The following RPS6KA4 variants were observed in gnomAD, a reference collection of about 807,000 sequenced individuals.
RPS6KA4 encodes ribosomal protein S6 kinase A4.
Under a neutral mutation model 89.6 loss-of-function variants are expected in RPS6KA4, and 38 were observed. The observed-to-expected ratio is 0.42, with a 90% CI of 0.33 to 0.56. The LOEUF (loss-of-function observed/expected upper bound fraction) is 0.56, where lower values mean the gene tolerates loss of function less well. RPS6KA4 is among the 20% of genes least tolerant of loss of function. The probability of loss-of-function intolerance (pLI) is 0.07; values close to 1 mark genes in which losing one functional copy is unlikely to be tolerated. For synonymous variants in RPS6KA4, 495 were observed against 492.8 expected, an observed-to-expected ratio of 1.00 and a Z score of -0.06; for missense variants, 873 against 1,098.8, an observed-to-expected ratio of 0.79 and a Z score of 2.90.
intron 14 of RPS6KA4, 105 bp downstream of exon 14, chr11:64,369,998 G>A: frequency 7.8e-7 from 1 of 1,284,870 alleles, no homozygotes; most frequent in South Asian, 1.6e-5. Context: ...TGGTGGGGGC[G>A]GCTGGGTTTC....
In RPS6KA4 at chr11:64,368,147, G is replaced by A; in HGVS notation, c.1087G>A (p.Ala363Thr). 1 of 1,613,572 alleles carries A rather than the reference G, an allele frequency of 6.2e-7. No homozygotes were observed. ...PRIFQGYSFVAPSILFDHNNA... is the reference protein window; with the variant it reads ...PRIFQGYSFVTPSILFDHNNA... Reference sequence around the variant, plus strand: ...CGCCCTGCAGGGATACTCCTTTGTGGCACCCTCCATTCTCTTTGACCACAA... The same window carrying A: ...CGCCCTGCAGGGATACTCCTTTGTGACACCCTCCATTCTCTTTGACCACAA... The change falls in exon 10 of 17, where the codon GCA becomes ACA. Residue 363 changes from alanine (A) to threonine (T), a missense_variant. This residue lies in a region of RPS6KA4 where 542 missense variants were observed against 736.4 expected (regional missense o/e 0.74). Coordinates refer to ENST00000334205, the MANE Select transcript of RPS6KA4 (RefSeq NM_003942.3).
In RPS6KA4 at chr11:64,371,426, C is replaced by T. The variant is rs772564706; in HGVS notation, c.2265C>T (p.Pro755=). ...CACCAGCCAACCCGGGCCGAGCCCC[C>T]GTCGCCTCCAAAGGGGCCCCCCGCC... The part of the protein sequence containing the change: ...SPAPANPGRA[P]VASKGAPRRA... The change falls in exon 17 of 17, where the codon CCC becomes CCT. Residue 755 remains proline, a synonymous_variant. Coordinates refer to ENST00000334205, the MANE Select transcript of RPS6KA4 (RefSeq NM_003942.3). 5 of 1,603,468 alleles carry T rather than the reference C, an allele frequency of 3.1e-6. No individual in the cohort carries two copies. The highest frequency in any genetic ancestry group is 2.7e-5 in the African/African-American group (2 of 74,740).
Position 64,361,840 on chromosome 11 carries a change from C to G in RPS6KA4, c.756-12C>G, listed in dbSNP as rs892230990. 2 of 1,596,110 alleles carry G rather than the reference C, an allele frequency of 1.3e-6. No individual in the cohort carries two copies. Among genetic ancestry groups the G allele is most frequent in the African/African-American group, 1.4e-5 (1 of 73,776 alleles). On this transcript the variant is annotated splice_polypyrimidine_tract_variant and intron_variant, in intron 7 of 16. Transcript: ENST00000334205. This position sits in a 1 kb window ranked among gnomAD's most constrained non-coding sequence, Gnocchi z 4.7. ...GGGCTTGCTGCCCCTGACACCCCCC[C>G]AATCCTCCCAGACGGATCCTGAAGT... is the stretch of plus-strand genomic sequence containing the variant.
chr11:64,368,017 C>A, intron 9 of RPS6KA4, 115 bp from the exon 10 acceptor site: 1 of 1,069,828 alleles, frequency 9.3e-7, no homozygotes, highest in Non-Finnish European at 1.4e-6. Flanking sequence ...ACTGGAACAC[C>A]CCCCACTGCC....
rs2037027043 is a variant in RPS6KA4 at position 64,370,351 on chromosome 11, G to A, written c.1924G>A (p.Gly642Ser). 6.2e-7 allele frequency: 1 copy of A among 1,608,074 alleles called. No homozygotes were observed. The highest frequency in any genetic ancestry group is 1.7e-5 in the Admixed American group (1 of 57,588). Residue 642 changes from glycine (G) to serine (S), a missense_variant, in exon 15 of 17, where the codon GGT becomes AGT. Physicochemically the swap from Gly to Ser is moderately conservative, Grantham distance 56 (BLOSUM62 0). Around this residue, in one of 4 missense-constraint regions of RPS6KA4, gnomAD observed 278 missense variants for 284.8 expected, o/e 0.98. Coordinates refer to ENST00000334205, the MANE Select transcript of RPS6KA4 (RefSeq NM_003942.3). This position sits in a 1 kb window ranked among gnomAD's most constrained non-coding sequence, Gnocchi z 4.1. ...CTCCCTTGACGGGGAGGCCTGGCAGGGTGTATCCGAGGAAGCCAAGGAGCT... is the reference window on the plus strand; with the variant it reads ...CTCCCTTGACGGGGAGGCCTGGCAGAGTGTATCCGAGGAAGCCAAGGAGCT... ...RFSLDGEAWQ[G>S]VSEEAKELVR... is the part of the protein sequence containing the mutation.
At chr11:64,363,143 G>A (rs1168327780) in intron 8 of RPS6KA4, among the ~76,000 whole-genome samples, 1 of 152,196 alleles carries the variant, frequency 6.6e-6, no homozygotes, top group Non-Finnish European at 1.5e-5. Flanking sequence ...TTTGCCATCC[G>A]TCTGACATCT....
Position 64,369,512 on chromosome 11 carries a change from C to A in RPS6KA4, c.1495C>A (p.Arg499=). ...GCTGCTGGAGCACATCCGCAAGAAGCGGCACTTCAGCGAGTCGGAAGCAAG... is the reference window on the plus strand; with the variant it reads ...GCTGCTGGAGCACATCCGCAAGAAGAGGCACTTCAGCGAGTCGGAAGCAAG... ...GELLEHIRKK[R]HFSESEASQI... The change falls in exon 13 of 17, where the codon CGG becomes AGG. Residue 499 remains arginine, a synonymous_variant. Coordinates refer to ENST00000334205, the MANE Select transcript of RPS6KA4 (RefSeq NM_003942.3). 1 of 1,609,922 alleles carries A rather than the reference C, an allele frequency of 6.2e-7. No individual in the cohort carries two copies.
Position 64,361,845 on chromosome 11 carries a change from C to T in RPS6KA4, c.756-7C>T. 3 of 1,609,316 alleles carry T rather than the reference C, an allele frequency of 1.9e-6. No individual in the cohort carries two copies. The highest frequency in any genetic ancestry group is 2.5e-6 in the Non-Finnish European group (3 of 1,178,680). On this transcript the variant is annotated splice_polypyrimidine_tract_variant and splice_region_variant and intron_variant, in intron 7 of 16. Transcript: ENST00000334205. This position sits in a 1 kb window ranked among gnomAD's most constrained non-coding sequence, Gnocchi z 4.7. Reference sequence around the variant, plus strand: ...TGCTGCCCCTGACACCCCCCCAATCCTCCCAGACGGATCCTGAAGTGCTCC... The same window carrying T: ...TGCTGCCCCTGACACCCCCCCAATCTTCCCAGACGGATCCTGAAGTGCTCC...
rs377299874 is a variant in RPS6KA4 at position 64,370,388 on chromosome 11, C to G, written c.1957+4C>G. ...GAAGCCAAGGAGCTGGTCCGAGGTG[C>G]GGAGCTGGAGGTCATAGACCATGGT... On this transcript the variant is annotated splice_donor_region_variant and intron_variant, in intron 15 of 16. Coordinates refer to ENST00000334205, the MANE Select transcript of RPS6KA4 (RefSeq NM_003942.3). The surrounding 1 kb of genome is among the most constrained non-coding windows in gnomAD (Gnocchi z 4.1). The G allele has an allele frequency of 1.2e-5, 19 of 1,609,958 alleles. No homozygotes were observed. The highest frequency in any genetic ancestry group is 1.5e-5 in the Non-Finnish European group (18 of 1,178,732).
In RPS6KA4 at chr11:64,361,362, C is replaced by A; in HGVS notation, c.571-107C>A. 1 of 1,473,746 alleles carries A rather than the reference C, an allele frequency of 6.8e-7. No individual in the cohort carries two copies. Among genetic ancestry groups the A allele is most frequent in the South Asian group, 1.2e-5 (1 of 84,754 alleles). 91.3% of individuals were successfully genotyped at this position (1,473,746 alleles called of 1,614,324 possible). A position where few individuals can be genotyped will look rare whatever the true frequency, so the allele number is the denominator to read the frequency against. ...GAATAGCTCCAAGAAGTTTCCACAG[C>A]TCAGCTCTCCAACCTCACAAGTTGA... On this transcript the variant is annotated intron_variant, in intron 5 of 16. Transcript: ENST00000334205. This position sits in a 1 kb window ranked among gnomAD's most constrained non-coding sequence, Gnocchi z 4.7.
rs1591322218 is a variant in RPS6KA4, at chr11:64,370,880, C to T, written c.2121+154C>T. ...CAGCGCTTTGGGAGGCCGAGGCGGG[C>T]GGATCACGAGGTCAGGGGTTCGAGA... On this transcript the variant is annotated intron_variant, in intron 16 of 16. Transcript: ENST00000334205. This position sits in a 1 kb window ranked among gnomAD's most constrained non-coding sequence, Gnocchi z 4.1. 6.6e-6 allele frequency among the ~76,000 whole-genome samples: 1 copy of T among 151,854 alleles called. No individual in the cohort carries two copies. Among genetic ancestry groups the T allele is most frequent in the Non-Finnish European group, 1.5e-5 (1 of 67,942 alleles).
intron 2 of RPS6KA4, 68 bp from the exon 3 acceptor site, chr11:64,360,095 C>A: frequency 6.9e-7 from 1 of 1,439,584 alleles, no homozygotes; most frequent in South Asian, 1.4e-5. Context: ...TGGCATCGCC[C>A]CCACCCCCCA....
Position 64,368,746 on chromosome 11 carries a change from G to A in RPS6KA4, c.1377G>A (p.Leu459=), listed in dbSNP as rs2036963876. The A allele has an allele frequency of 1.9e-6, 3 of 1,574,666 alleles. No individual in the cohort carries two copies. Among genetic ancestry groups the A allele is most frequent in the South Asian group, 1.2e-5 (1 of 86,148 alleles). The change falls in exon 12 of 17, where the codon CTG becomes CTA. Residue 459 remains leucine (L), a synonymous_variant. Coordinates refer to ENST00000334205, the MANE Select transcript of RPS6KA4 (RefSeq NM_003942.3). ...NTQREVAALR[L]CQSHPNVVNL... ...AGCGCGAAGTGGCTGCCCTGCGCCTGTGCCAGTCACACCCCAACGTGGTGA... is the reference window on the plus strand; with the variant it reads ...AGCGCGAAGTGGCTGCCCTGCGCCTATGCCAGTCACACCCCAACGTGGTGA...
rs1174096830 is a variant in RPS6KA4 at position 64,370,380 on chromosome 11, C to A, written c.1953C>A (p.Val651=). 1 of 1,610,452 alleles carries A rather than the reference C, an allele frequency of 6.2e-7. No homozygotes were observed. Among genetic ancestry groups the A allele is most frequent in the Non-Finnish European group, 8.5e-7 (1 of 1,178,838 alleles). The change falls in exon 15 of 17, where the codon GTC becomes GTA. Residue 651 remains valine (V), a synonymous_variant. Transcript: ENST00000334205. The surrounding 1 kb of genome is among the most constrained non-coding windows in gnomAD (Gnocchi z 4.1). ...QGVSEEAKEL[V]RGLLTVDPAK... is the part of the protein sequence containing the mutation. ...TATCCGAGGAAGCCAAGGAGCTGGT[C>A]CGAGGTGCGGAGCTGGAGGTCATAG...
At position 64,368,266 on chromosome 11, in the gene RPS6KA4, C is replaced by T. The variant is rs550019138; in HGVS notation, c.1200+6C>T. 6.3e-6 allele frequency: 10 copies of T among 1,584,610 alleles called. No homozygotes were observed. Among genetic ancestry groups the T allele is most frequent in the South Asian group, 2.2e-5 (2 of 90,308 alleles). ...CCAGGAGCGCTATGATGCAGGTGGG[C>T]TGGGCTGGGCTGGGTTGGGGGGAAA... On this transcript the variant is annotated splice_donor_region_variant and intron_variant, in intron 10 of 16. Coordinates refer to ENST00000334205, the MANE Select transcript of RPS6KA4 (RefSeq NM_003942.3).
rs943089945 is a variant in RPS6KA4, at chr11:64,370,935, C to T, written c.2121+209C>T. ...CCTGAACAACATGGTGAAACCCCGTCTCTTCTAAAAAGAGAAAAATTAGCC... is the reference window on the plus strand; with the variant it reads ...CCTGAACAACATGGTGAAACCCCGTTTCTTCTAAAAAGAGAAAAATTAGCC... On this transcript the variant is annotated intron_variant, in intron 16 of 16. Transcript: ENST00000334205. This position sits in a 1 kb window ranked among gnomAD's most constrained non-coding sequence, Gnocchi z 4.1. 6.6e-6 allele frequency among the ~76,000 whole-genome samples: 1 copy of T among 152,012 alleles called. No individual in the cohort carries two copies.
intron 1 of RPS6KA4, 40 bp downstream of exon 1, chr11:64,359,330 G>A: frequency 6.2e-7 from 1 of 1,608,162 alleles, no homozygotes; most frequent in Non-Finnish European, 8.5e-7. Context: ...GGGGCAGGCC[G>A]GGACGGGTCA....
At position 64,359,180 on chromosome 11, in the gene RPS6KA4, A is replaced by G; in HGVS notation, c.-56A>G. On this transcript the variant is annotated 5_prime_UTR_variant, in exon 1 of 17. An upstream start codon of the reference 5' UTR is lost. Coordinates refer to ENST00000334205, the MANE Select transcript of RPS6KA4 (RefSeq NM_003942.3). ...AGCGCCCGCCCCGGCCGGAGCCGCC[A>G]TGTAACCGGCGCCGCCCGGAGCCCG... is the stretch of plus-strand genomic sequence containing the variant. The G allele has an allele frequency of 2.4e-6, 3 of 1,235,884 alleles. No individual in the cohort carries two copies. Among genetic ancestry groups the G allele is most frequent in the South Asian group, 3.7e-5 (1 of 27,246 alleles). The allele number at this position is 1,235,884 out of a possible 1,614,324, so 76.6% of individuals were successfully genotyped here.
chr11:64,366,576 A>T (rs943786200), intron 9 of RPS6KA4, among the ~76,000 whole-genome samples: 3 of 152,202 alleles, frequency 2.0e-5, no homozygotes, highest in Admixed American at 1.3e-4. Context: ...CCTTAGCCTC[A>T]GTTCTCATCA....
Sources: allele counts gnomAD v4.1 joint callset (sites outside exome capture counted in the v4.1 genomes callset), GRCh38; gene constraint gnomAD v4.1.1; regional missense constraint gnomAD v4.1.1; non-coding constraint Gnocchi (gnomAD v3.1); transcripts MANE v1.5; gene names NCBI Gene and HGNC (gene_info 2026-07-23, HGNC 2026-07-21).